Variants in HEPH observed in about 807,000 individuals in gnomAD.
The protein encoded by HEPH is hephaestin.
A neutral mutation model predicts 80.8 loss-of-function variants in HEPH; 69 were observed. That is an observed-to-expected ratio of 0.85 (90% CI 0.70 to 1.04). The LOEUF is 1.04. Among genes scored for constraint, HEPH ranks in the 50% least tolerant of loss-of-function variants. The pLI, the probability that HEPH is intolerant of heterozygous loss-of-function variation, is 0.00. For missense variants in HEPH, 1,115 were observed against 891.3 expected (o/e 1.25, Z -3.20); for synonymous variants, 431 against 322.8 (o/e 1.34, Z -3.60).
intron 4 of HEPH, among the ~76,000 whole-genome samples, chrX:66,175,639 G>C (rs2086769624): frequency 1.8e-5 from 2 of 111,759 alleles, no homozygotes; most frequent in African/African-American, 6.5e-5. Context: ...CCATCCATGA[G>C]CAGGAGATGT....
chrX:66,203,295 G>A (rs1355323003), intron 12 of HEPH, 69 bp from the exon 13 acceptor site: 1 of 957,266 alleles, frequency 1.0e-6, no homozygotes, highest in African/African-American at 1.9e-5. Flanking sequence ...CCTAGGGAAA[G>A]GCAGGAAATC....
Position 66,266,454 on chromosome X carries a change from G to A in HEPH, c.3259G>A (p.Asp1087Asn). ...CTCCATTTCAGCAGTGCCCCCCAGA[G>A]ACATTGAAGAAGGCAATGTGAAGAT... is the stretch of plus-strand genomic sequence containing the variant. ...KETEKAVPPR[D>N]IEEGNVKMLG... Residue 1087 changes from aspartate to asparagine, a missense_variant, in exon 21 of 21, where the codon GAC becomes AAC. By Grantham distance (23) the Asp-to-Asn change is conservative (BLOSUM62 1). Transcript: ENST00000343002. The A allele has an allele frequency of 8.3e-7, 1 of 1,206,002 alleles. No individual in the cohort carries two copies. The highest frequency in any genetic ancestry group is 1.1e-6 in the Non-Finnish European group (1 of 891,675).
chrX:66,173,524 A>T, intron 3 of HEPH, 65 bp from the exon 4 acceptor site: 1 of 824,116 alleles, frequency 1.2e-6, no homozygotes, highest in Non-Finnish European at 1.8e-6. Context: ...GCTCTGTCTT[A>T]ATTTATGTAT....
intron 17 of HEPH, 21 bp downstream of exon 17, chrX:66,256,351 T>A: frequency 9.0e-7 from 1 of 1,116,398 alleles, no homozygotes; most frequent in Non-Finnish European, 1.2e-6. Context: ...AAAAACCTAC[T>A]CTTGTTCCAA....
intron 4 of HEPH, among the ~76,000 whole-genome samples, chrX:66,182,034 G>T (rs1416422105): frequency 1.9e-5 from 2 of 106,621 alleles, no homozygotes; most frequent in Admixed American, 1.0e-4. Flanking sequence ...ATTTCTGAGG[G>T]CTCTGTTCTG....
chrX:66,199,139 C>G (rs916288523), intron 11 of HEPH, 111 bp downstream of exon 11: 14 of 768,897 alleles, frequency 1.8e-5, no homozygotes, highest in Admixed American at 5.3e-5. Flanking sequence ...TCATCTCTGT[C>G]CAAGAGGCGA....
intron 15 of HEPH, among the ~76,000 whole-genome samples, chrX:66,227,636 C>T (rs2089946046): frequency 8.9e-6 from 1 of 111,900 alleles, no homozygotes; most frequent in Non-Finnish European, 1.9e-5. Flanking sequence ...GTACCCAGCA[C>T]CTTCTGTTGA....
chrX:66,162,871 C>G (rs772375457), upstream of HEPH: 3 of 1,153,804 alleles, frequency 2.6e-6, no homozygotes, highest in Non-Finnish European at 3.4e-6. Context: ...ATCTCCTCAT[C>G]ACAAAGTAAG....
At chrX:66,179,929 C>T (rs184092432) in intron 4 of HEPH, among the ~76,000 whole-genome samples, 17 of 111,246 alleles carry the variant, frequency 1.5e-4, no homozygotes, top group African/African-American at 5.2e-4. Flanking sequence ...TCCTTTTGCA[C>T]GAAATGCCTA....
At chrX:66,231,649 G>A (rs1473374447) in intron 15 of HEPH, among the ~76,000 whole-genome samples, 3 of 109,687 alleles carry the variant, frequency 2.7e-5, no homozygotes, top group Non-Finnish European at 5.7e-5. Flanking sequence ...CTTTGCTGAA[G>A]TTGCTTATCA....
chrX:66,191,714 C>A (rs1467386022), intron 6 of HEPH, among the ~76,000 whole-genome samples: 1 of 111,946 alleles, frequency 8.9e-6, no homozygotes, highest in African/African-American at 3.3e-5. Flanking sequence ...CTCCTACCAG[C>A]CCCATGAGGT....
chrX:66,176,306 G>A (rs1471242462), intron 4 of HEPH, among the ~76,000 whole-genome samples: 3 of 111,531 alleles, frequency 2.7e-5, no homozygotes, highest in Non-Finnish European at 3.8e-5. Context: ...TTCATGTGGT[G>A]CATCACACAT....
intron 15 of HEPH, among the ~76,000 whole-genome samples, chrX:66,235,030 C>A (rs957913344): frequency 9.0e-6 from 1 of 110,556 alleles, no homozygotes; most frequent in Non-Finnish European, 1.9e-5. Context: ...TGTCCTTTGC[C>A]CACTTTTAAA....
At chrX:66,267,457 AG>A (rs2091570229), downstream of HEPH, 1 of 112,049 alleles carries the variant, frequency 8.9e-6, no homozygotes, top group Non-Finnish European at 1.9e-5. Flanking sequence ...GAAAATACTT[AG>A]GGGGTGAGTG....
intron 17 of HEPH, among the ~76,000 whole-genome samples, chrX:66,258,539 T>A (rs1426339497): frequency 9.0e-6 from 1 of 111,417 alleles, no homozygotes; most frequent in Non-Finnish European, 1.9e-5. Flanking sequence ...TTTTGAAGGA[T>A]CTTGTTGGGT....
At chrX:66,188,312 T>A (rs2087592664) in intron 4 of HEPH, 47 bp from the exon 5 acceptor site, 2 of 1,009,920 alleles carry the variant, frequency 2.0e-6, no homozygotes, top group South Asian at 2.4e-5. Flanking sequence ...AGCTTACTAT[T>A]GCTAAGGAAA....
rs181981867 is a variant in HEPH, at chrX:66,247,646, A to G, written c.2564-7389A>G. Among the ~76,000 whole-genome samples the G allele has an allele frequency of 4.2e-4, 47 of 111,830 alleles. 1 individual carries two copies. In the East Asian group the frequency reaches 8.6e-3, roughly 21 times the overall value. Reference sequence around the variant, plus strand: ...TGTTATAAGTAATTACATCAGTGATATAGTGGGAACAAAAGTCAAGTTACA... The same window carrying G: ...TGTTATAAGTAATTACATCAGTGATGTAGTGGGAACAAAAGTCAAGTTACA... On this transcript the variant is annotated intron_variant, in intron 15 of 20. Coordinates refer to ENST00000343002, the MANE Select transcript of HEPH (RefSeq NM_001367233.3).
intron 15 of HEPH, among the ~76,000 whole-genome samples, chrX:66,236,495 G>A (rs1027011139): frequency 1.8e-5 from 2 of 111,685 alleles, no homozygotes; most frequent in Admixed American, 9.5e-5. Context: ...GCCTTTTGAT[G>A]TGCTGTGGAA....
At chrX:66,245,199 G>A (rs970119879) in intron 15 of HEPH, among the ~76,000 whole-genome samples, 2 of 111,098 alleles carry the variant, frequency 1.8e-5, no homozygotes, top group Non-Finnish European at 3.8e-5. Context: ...TGGATAAAGA[G>A]TCAAGACCCA....
Sources: gnomAD v4.1 joint callset for allele counts (sites outside exome capture counted in the v4.1 genomes callset) on GRCh38, gnomAD v4.1.1 for gene constraint, MANE v1.5 for transcripts, NCBI Gene and HGNC (gene_info 2026-07-23, HGNC 2026-07-21) for gene names.